MALRD1: variants seen among roughly 807,000 people sequenced by gnomAD.
MALRD1 encodes the protein MAM and LDL-receptor class A domain-containing protein 1.
In MALRD1, 247 loss-of-function variants were observed where a neutral mutation model predicts 242.1. That is an observed-to-expected ratio of 1.02 (90% CI 0.92 to 1.13). The LOEUF (loss-of-function observed/expected upper bound fraction) is 1.13. Among genes scored for constraint, MALRD1 ranks in the 50% most tolerant of loss-of-function variants. The pLI, the probability that MALRD1 is intolerant of heterozygous loss-of-function variation, is 0.00. For synonymous variants in MALRD1, 995 were observed against 866.6 expected (o/e 1.15, Z -2.60); for missense variants, 2,989 against 2,533.1 (o/e 1.18, Z -3.86).
intron 32 of MALRD1, among the ~76,000 whole-genome samples, chr10:19,536,476 A>T (rs1834680289): frequency 6.6e-6 from 1 of 152,012 alleles, no homozygotes; most frequent in Non-Finnish European, 1.5e-5. Context: ...TAGGGATGGA[A>T]ACATTCTACA....
At chr10:19,274,444 G>T (rs1564520798) in intron 19 of MALRD1, among the ~76,000 whole-genome samples, 1 of 152,064 alleles carries the variant, frequency 6.6e-6, no homozygotes, top group Non-Finnish European at 1.5e-5. Flanking sequence ...TTTCATGGAT[G>T]GAATCAATGC....
At chr10:19,591,452 G>C (rs1837777130) in intron 33 of MALRD1, among the ~76,000 whole-genome samples, 1 of 151,076 alleles carries the variant, frequency 6.6e-6, no homozygotes, top group Non-Finnish European at 1.5e-5. Flanking sequence ...CTTTCTTAAC[G>C]GTGGCCACAC....
intron 28 of MALRD1, among the ~76,000 whole-genome samples, chr10:19,419,131 C>T (rs188490362): frequency 3.3e-5 from 5 of 152,268 alleles, no homozygotes; most frequent in South Asian, 4.1e-4. Flanking sequence ...CTGACTCCCA[C>T]GTGATCTATA....
chr10:19,307,471 T>C, intron 21 of MALRD1, among the ~76,000 whole-genome samples: 1 of 151,458 alleles, frequency 6.6e-6, no homozygotes, highest in Admixed American at 6.6e-5. Flanking sequence ...ATGTGAAAAA[T>C]TGAGAATTTG....
intron 30 of MALRD1, among the ~76,000 whole-genome samples, chr10:19,498,207 A>G (rs1158861672): frequency 6.6e-6 from 1 of 152,202 alleles, no homozygotes; most frequent in Non-Finnish European, 1.5e-5. Context: ...GCATAATGTT[A>G]TGTTTATTGT....
Position 19,194,786 on chromosome 10 carries a change from T to C in MALRD1, c.1952-8942T>C, listed in dbSNP as rs532315388. Among the ~76,000 whole-genome samples, 18 of 152,290 alleles carry C rather than the reference T, an allele frequency of 1.2e-4. No individual in the cohort carries two copies. In the Middle Eastern group the frequency reaches 0.01, roughly 86 times the overall value. ...AGTTATTCTCTCCTCCAAAATTTAC[T>C]TAAATTCTCTCCATTCAGGCTTTTT... On this transcript the variant is annotated intron_variant, in intron 14 of 39. Coordinates refer to ENST00000454679, the MANE Select transcript of MALRD1 (RefSeq NM_001142308.3).
intron 18 of MALRD1, among the ~76,000 whole-genome samples, chr10:19,249,138 A>C (rs1235870491): frequency 1.3e-5 from 2 of 151,464 alleles, no homozygotes; most frequent in Non-Finnish European, 2.9e-5. Flanking sequence ...CATCTAACAA[A>C]TGAAATTGAT....
chr10:19,414,684 G>T (rs1183942016), intron 28 of MALRD1, among the ~76,000 whole-genome samples: 5 of 152,116 alleles, frequency 3.3e-5, no homozygotes, highest in Admixed American at 2.0e-4. Flanking sequence ...GAGTGTAGGG[G>T]AAGGGAAAGG....
chr10:19,124,413 G>A (rs1837178855), intron 6 of MALRD1, 111 bp from the exon 7 acceptor site: 2 of 911,984 alleles, frequency 2.2e-6, no homozygotes, highest in Non-Finnish European at 2.9e-6. Flanking sequence ...ATTAGTGTGT[G>A]CTGATGTGTA....
intron 19 of MALRD1, among the ~76,000 whole-genome samples, chr10:19,270,120 G>A (rs569087093): frequency 1.1e-3 from 171 of 152,252 alleles, no homozygotes; most frequent in African/African-American, 4.0e-3. Context: ...TTTGAGACCA[G>A]CCTGGCCAAC....
intron 19 of MALRD1, among the ~76,000 whole-genome samples, chr10:19,273,609 G>A (rs576474025): frequency 3.3e-5 from 5 of 152,250 alleles, no homozygotes; most frequent in Admixed American, 2.6e-4. Context: ...CTGTTACTAA[G>A]CAGAAGAAGC....
chr10:19,495,663 C>G (rs1346077388), intron 30 of MALRD1, among the ~76,000 whole-genome samples: 1 of 151,334 alleles, frequency 6.6e-6, no homozygotes, highest in East Asian at 2.1e-4. Context: ...AGCAACCAGA[C>G]AAACAAATCT....
Position 19,088,012 on chromosome 10 carries a change from T to G in MALRD1, c.436-12T>G, listed in dbSNP as rs541401909. The G allele has an allele frequency of 1.3e-5, 16 of 1,233,340 alleles. No individual in the cohort carries two copies. Among genetic ancestry groups the G allele is most frequent in the Non-Finnish European group, 1.5e-5 (15 of 987,816 alleles). 76.4% of individuals were successfully genotyped at this position (1,233,340 alleles called of 1,614,324 possible). A position where few individuals can be genotyped will look rare whatever the true frequency, so the allele number is the denominator to read the frequency against. Reference sequence around the variant, plus strand: ...TTATCATAATTGTTTGGGTACTAATTGTCTTTCACAGATTACATTTTATTA... The same window carrying G: ...TTATCATAATTGTTTGGGTACTAATGGTCTTTCACAGATTACATTTTATTA... On this transcript the variant is annotated splice_polypyrimidine_tract_variant and intron_variant, in intron 3 of 39. Coordinates refer to ENST00000454679, the MANE Select transcript of MALRD1 (RefSeq NM_001142308.3).
In MALRD1 at chr10:19,088,541, T is replaced by C. The variant is rs1345460529; in HGVS notation, c.597+356T>C. Reference sequence around the variant, plus strand: ...CTCCAACTTCCTCTTTCTTTCTTTTTTTTTTTTTTTTATTTTATAAAGTTT... The same window carrying C: ...CTCCAACTTCCTCTTTCTTTCTTTTCTTTTTTTTTTTATTTTATAAAGTTT... On this transcript the variant is annotated intron_variant, in intron 4 of 39. Coordinates refer to ENST00000454679, the MANE Select transcript of MALRD1 (RefSeq NM_001142308.3). Among the ~76,000 whole-genome samples the C allele has an allele frequency of 1.4e-4, 17 of 124,340 alleles. 1 individual carries two copies. The highest frequency in any genetic ancestry group is 5.5e-4 in the African/African-American group (17 of 30,890). The allele number at this position is 124,340 out of a possible 152,430, so 81.6% of individuals were successfully genotyped here. A position where few individuals can be genotyped will look rare whatever the true frequency, so the allele number is the denominator to read the frequency against.
chr10:19,063,540 A>G (rs1834883811), intron 1 of MALRD1, among the ~76,000 whole-genome samples: 1 of 151,970 alleles, frequency 6.6e-6, no homozygotes, highest in South Asian at 2.1e-4. Context: ...ATTATTTAAT[A>G]TTTTTCTTTC....
chr10:19,142,241 A>G (rs757009435), intron 10 of MALRD1, among the ~76,000 whole-genome samples: 22 of 151,594 alleles, frequency 1.5e-4, no homozygotes, highest in Non-Finnish European at 2.8e-4. Flanking sequence ...AAATACCAAT[A>G]TAAAAATATT....
chr10:19,719,213 C>CACAT (rs1554830416), intron 38 of MALRD1, among the ~76,000 whole-genome samples: 24 of 85,392 alleles, frequency 2.8e-4, no homozygotes, highest in South Asian at 1.4e-3. Flanking sequence ...TATATATATA[C>CACAT]ACATACATAC....
At chr10:19,609,468 T>C (rs1838785023) in intron 35 of MALRD1, among the ~76,000 whole-genome samples, 1 of 152,084 alleles carries the variant, frequency 6.6e-6, no homozygotes, top group African/African-American at 2.4e-5. Flanking sequence ...CACATTACTC[T>C]TTCTTTCCAA....
At chr10:19,656,579 A>AT (rs560444748) in intron 36 of MALRD1, among the ~76,000 whole-genome samples, 35 of 149,322 alleles carry the variant, frequency 2.3e-4, no homozygotes, top group Admixed American at 4.0e-4. Context: ...CACAGCAAAC[A>AT]TTTTTTTTTT....
Sources: gnomAD v4.1 joint callset for allele counts (sites outside exome capture counted in the v4.1 genomes callset) on GRCh38, gnomAD v4.1.1 for gene constraint, MANE v1.5 for transcripts, NCBI Gene and HGNC (gene_info 2026-07-23, HGNC 2026-07-21) for gene names.